DMD: variants seen among roughly 807,000 people sequenced by gnomAD.
The protein encoded by DMD is mutant dystrophin.
DMD carries 63 observed loss-of-function variants against 330.1 expected under a neutral mutation model. The observed-to-expected ratio is 0.19, with a 90% CI of 0.16 to 0.24. The LOEUF is 0.24. DMD is among the 10% of genes least tolerant of loss of function. The pLI is 1.00. For missense variants in DMD, 3,344 were observed against 2,684.1 expected (o/e 1.25, Z -5.43); for synonymous variants, 1,223 against 959.8 (o/e 1.27, Z -5.07).
chrX:32,033,617 G>GAAAGAA lies in DMD; in HGVS notation c.6439-65109_6439-65104dup, dbSNP rs2095906699. On this transcript the variant is annotated intron_variant, in intron 44 of 78. Coordinates refer to ENST00000357033, the MANE Select transcript of DMD (RefSeq NM_004006.3). Reference sequence around the variant, plus strand: ...AGACAGACAGACAGAAAGAAAGAAAGAAAGAAAGAAAGAAAGAAAGAAAGA... The same window carrying GAAAGAA: ...AGACAGACAGACAGAAAGAAAGAAAGAAAGAAAAAGAAAGAAAGAAAGAAAGAAAGA... Among the ~76,000 whole-genome samples the GAAAGAA allele has an allele frequency of 7.0e-5, 3 of 42,638 alleles. No individual in the cohort carries two copies. The South Asian group carries it at 3.4e-3, about 48-fold the overall frequency. 37.0% of individuals were successfully genotyped at this position (42,638 alleles called of 115,157 possible). A position where few individuals can be genotyped will look rare whatever the true frequency, so the allele number is the denominator to read the frequency against.
chrX:31,981,541 G>T (rs189517340), intron 44 of DMD, among the ~76,000 whole-genome samples: 32 of 111,289 alleles, frequency 2.9e-4, no homozygotes, highest in African/African-American at 9.8e-4. Flanking sequence ...ATTGAGGCTC[G>T]TGATAATGGT....
At chrX:32,404,280 A>G (rs1315279070) in intron 30 of DMD, among the ~76,000 whole-genome samples, 3 of 111,611 alleles carry the variant, frequency 2.7e-5, no homozygotes, top group African/African-American at 9.7e-5. Flanking sequence ...AATGGGAGGG[A>G]AAAAGAGAAG....
At position 32,595,809 on chromosome X, in the gene DMD, A is replaced by G. The variant is rs2149264721; in HGVS notation, c.1550T>C (p.Val517Ala). Residue 517 changes from valine (V) to alanine (A), a missense_variant, in exon 13 of 79, where the codon GTT becomes GCT. Coordinates refer to ENST00000357033, the MANE Select transcript of DMD (RefSeq NM_004006.3). ...VNSLTHMVVV[V>A]DESSGDHATA... The stretch of plus-strand genomic sequence containing the variant: ...TGCGTGATCTCCACTAGATTCATCA[A>G]CTACCACCACCATGTGAGTGAGAGA... 8.3e-7 allele frequency: 1 copy of G among 1,204,973 alleles called. No homozygotes were observed. The highest frequency in any genetic ancestry group is 3.0e-5 in the East Asian group (1 of 33,804).
chrX:32,461,529 C>T (rs986677238), intron 25 of DMD, among the ~76,000 whole-genome samples: 2 of 111,283 alleles, frequency 1.8e-5, no homozygotes, highest in Non-Finnish European at 3.8e-5. Context: ...TCTTGAACAA[C>T]AAATTCTTAG....
chrX:31,255,175 G>T (rs1173663803), intron 63 of DMD, among the ~76,000 whole-genome samples: 1 of 111,012 alleles, frequency 9.0e-6, no homozygotes, highest in Non-Finnish European at 1.9e-5. Flanking sequence ...GACATAAATT[G>T]TGAGAAAAGG....
At chrX:32,706,566 AAAAC>A (rs1272702094) in intron 7 of DMD, among the ~76,000 whole-genome samples, 1 of 110,324 alleles carries the variant, frequency 9.1e-6, no homozygotes, top group African/African-American at 3.3e-5. Context: ...TCCATCTCAA[AAAAC>A]AAACAAACAA....
intron 67 of DMD, among the ~76,000 whole-genome samples, chrX:31,184,355 A>T (rs2041508741): frequency 9.0e-6 from 1 of 111,492 alleles, no homozygotes; most frequent in Non-Finnish European, 1.9e-5. Flanking sequence ...CAAAAAACAC[A>T]TGAAAAAATG....
intron 27 of DMD, among the ~76,000 whole-genome samples, chrX:32,446,982 C>T (rs541016638): frequency 3.6e-5 from 4 of 109,832 alleles, no homozygotes; most frequent in South Asian, 7.6e-4. Context: ...GTTATTAATA[C>T]GAAAACTTAA....
intron 1 of DMD, among the ~76,000 whole-genome samples, chrX:33,098,114 C>T (rs1603277056): frequency 8.9e-6 from 1 of 111,825 alleles, no homozygotes. Flanking sequence ...AAATATAATA[C>T]AGCATATTTG....
At chrX:32,395,257 G>A (rs1188632403) in intron 30 of DMD, among the ~76,000 whole-genome samples, 3 of 111,621 alleles carry the variant, frequency 2.7e-5, no homozygotes, top group Non-Finnish European at 5.7e-5. Flanking sequence ...TCAACAAATC[G>A]TTCAGCTTCT....
At chrX:32,868,221 G>C (rs991340358) in intron 2 of DMD, among the ~76,000 whole-genome samples, 1 of 111,631 alleles carries the variant, frequency 9.0e-6, no homozygotes, top group Non-Finnish European at 1.9e-5. Context: ...GCAACCCGCA[G>C]ATCAGGAGAT....
intron 41 of DMD, among the ~76,000 whole-genome samples, chrX:32,334,590 A>G (rs1040093985): frequency 1.8e-5 from 2 of 111,797 alleles, no homozygotes; most frequent in African/African-American, 6.5e-5. Context: ...TTCTGTTATT[A>G]CTTTTCTTGT....
intron 2 of DMD, among the ~76,000 whole-genome samples, chrX:32,889,515 C>T (rs2084982474): frequency 9.0e-6 from 1 of 110,822 alleles, no homozygotes; most frequent in African/African-American, 3.3e-5. Context: ...TGCCCTTATA[C>T]ATCCAGATGG....
intron 19 of DMD, 151 bp from the exon 20 acceptor site, chrX:32,491,669 A>G: frequency 1.8e-6 from 1 of 551,540 alleles, no homozygotes. Flanking sequence ...ATGTGTAAAT[A>G]TGATTTCAGA....
chrX:31,590,791 T>C lies in DMD; in HGVS notation c.8217+36882A>G, dbSNP rs536161836. Among the ~76,000 whole-genome samples, 10 of 111,854 alleles carry C rather than the reference T, an allele frequency of 8.9e-5. No individual in the cohort carries two copies. In the South Asian group the frequency reaches 3.3e-3, roughly 37 times the overall value. On this transcript the variant is annotated intron_variant, in intron 55 of 78. Coordinates refer to ENST00000357033, the MANE Select transcript of DMD (RefSeq NM_004006.3). ...TTACAGAGTGTTCTGTAAAAAAGAA[T>C]ATCCACCATTCTTTAAAAATACTAT... is the stretch of plus-strand genomic sequence containing the variant.
chrX:31,554,129 C>T lies in DMD; in HGVS notation c.8218-46676G>A, dbSNP rs756828089. Among the ~76,000 whole-genome samples, 20 of 112,066 alleles carry T rather than the reference C, an allele frequency of 1.8e-4. No individual in the cohort carries two copies. The East Asian group carries it at 5.6e-3, about 31-fold the overall frequency. On this transcript the variant is annotated intron_variant, in intron 55 of 78. Coordinates refer to ENST00000357033, the MANE Select transcript of DMD (RefSeq NM_004006.3). ...GACATATGCACTGTTAACGAATTAC[C>T]ACTGAAACAATATATGTGTCTAAGA...
intron 46 of DMD, among the ~76,000 whole-genome samples, chrX:31,931,574 C>A (rs755495063): frequency 9.0e-6 from 1 of 110,967 alleles, no homozygotes; most frequent in Non-Finnish European, 1.9e-5. Flanking sequence ...TGAGACTGAT[C>A]TGGCAATCCA....
chrX:32,808,187 T>C (rs766473013), intron 7 of DMD, among the ~76,000 whole-genome samples: 1 of 111,753 alleles, frequency 8.9e-6, no homozygotes, highest in South Asian at 3.7e-4. Context: ...AGGGATACTA[T>C]CGTGTATAGA....
At chrX:32,482,207 A>G (rs1230036457) in intron 21 of DMD, among the ~76,000 whole-genome samples, 1 of 111,612 alleles carries the variant, frequency 9.0e-6, no homozygotes, top group Admixed American at 9.5e-5. Flanking sequence ...ACAACAGACT[A>G]GATGCTGTGT....
Sources: allele counts gnomAD v4.1 joint callset (sites outside exome capture counted in the v4.1 genomes callset), GRCh38; gene constraint gnomAD v4.1.1; transcripts MANE v1.5; gene names NCBI Gene and HGNC (gene_info 2026-07-23, HGNC 2026-07-21).